The following BPHL variants were observed in gnomAD, a reference collection of about 807,000 sequenced individuals.
BPHL encodes serine hydrolase BPHL.
BPHL carries 27 observed loss-of-function variants against 31.2 expected under a neutral mutation model. That is an observed-to-expected ratio of 0.87 (90% confidence interval 0.64 to 1.19). The LOEUF (loss-of-function observed/expected upper bound fraction) is 1.19. Ranked by LOEUF, BPHL falls within the 50% of genes most tolerant of loss-of-function variation. The pLI is 0.00. For missense variants in BPHL, 356 were observed against 375.7 expected (o/e 0.95, Z 0.43); for synonymous variants, 150 against 146.8 (o/e 1.02, Z -0.16).
In BPHL at chr6:3,118,812, C is replaced by G. The variant is rs1761466191; in HGVS notation, c.72C>G (p.Ile24Met). ...RLLLSALKPGIHVPRAGPAAA... is the reference protein window; with the variant it reads ...RLLLSALKPGMHVPRAGPAAA... ...TTCTCTCAGCGCTGAAGCCCGGGATCCACGTCCCACGGGCCGGACCCGCGG... is the reference window on the plus strand; with the variant it reads ...TTCTCTCAGCGCTGAAGCCCGGGATGCACGTCCCACGGGCCGGACCCGCGG... Residue 24 changes from isoleucine (I) to methionine (M), a missense_variant, in exon 1 of 7, where the codon ATC becomes ATG. Physicochemically the swap from Ile to Met is conservative, Grantham distance 10. Coordinates refer to ENST00000380379, the MANE Select transcript of BPHL (RefSeq NM_004332.4). The G allele has an allele frequency of 1.6e-6, 2 of 1,244,430 alleles. No individual in the cohort carries two copies. Among genetic ancestry groups the G allele is most frequent in the Non-Finnish European group, 2.0e-6 (2 of 991,444 alleles). The allele number at this position is 1,244,430 out of a possible 1,614,324, so 77.1% of individuals were successfully genotyped here.
At position 3,147,159 on chromosome 6, in the gene BPHL, G is replaced by A. The variant is rs377346774; in HGVS notation, c.789-5329G>A. ...ACCTGTAGTCCAAGCTACTCAGGAG[G>A]CTGAGGTAGGAGAATCACCAGAGCC... On this transcript the variant is annotated intron_variant, in intron 6 of 6. Transcript: ENST00000380379. Among the ~76,000 whole-genome samples the A allele has an allele frequency of 6.2e-4, 95 of 152,246 alleles. No individual in the cohort carries two copies. The South Asian group carries it at 0.019, about 31-fold the overall frequency.
At chr6:3,120,702 G>A (rs763094252) in intron 1 of BPHL, among the ~76,000 whole-genome samples, 34 of 152,168 alleles carry the variant, frequency 2.2e-4, no homozygotes, top group Admixed American at 2.6e-4. Context: ...TTATTCCTGG[G>A]TCAGGTCAAG....
In BPHL at chr6:3,153,561, T is replaced by C; in HGVS notation, c.*986T>C. ...CTACATTGCTATTAAAATTAAACTT[T>C]GATTACCACAATAAAAACAGTAGCA... On this transcript the variant is annotated 3_prime_UTR_variant, in exon 7 of 7. Transcript: ENST00000380379. The C allele has an allele frequency of 2.0e-6, 1 of 503,382 alleles. No individual in the cohort carries two copies. Among genetic ancestry groups the C allele is most frequent in the Non-Finnish European group, 3.5e-6 (1 of 286,222 alleles). The allele number at this position is 503,382 out of a possible 1,614,324, so 31.2% of individuals were successfully genotyped here.
chr6:3,140,535 T>C lies in BPHL; in HGVS notation c.788+26T>C. On this transcript the variant is annotated intron_variant, in intron 6 of 6. Transcript: ENST00000380379. This position sits in a 1 kb window ranked among gnomAD's most constrained non-coding sequence, Gnocchi z 5.2. ...GTAAGTCCTGTCACCGCCTTCACACTCCCCCCGAGAGCCTCGGAGTCAATG... is the reference window on the plus strand; with the variant it reads ...GTAAGTCCTGTCACCGCCTTCACACCCCCCCCGAGAGCCTCGGAGTCAATG... The C allele has an allele frequency of 6.2e-7, 1 of 1,605,364 alleles. No individual in the cohort carries two copies. Among genetic ancestry groups the C allele is most frequent in the Non-Finnish European group, 8.5e-7 (1 of 1,177,338 alleles).
upstream of BPHL, chr6:3,118,376 G>A (rs2231353): frequency 2.0e-5 from 4 of 197,362 alleles, no homozygotes; most frequent in Non-Finnish European, 4.1e-5. Context: ...CCTGGACGCC[G>A]ACGCAGCGAG....
At chr6:3,125,052 T>TC (rs1483898662) in intron 2 of BPHL, among the ~76,000 whole-genome samples, 1 of 149,066 alleles carries the variant, frequency 6.7e-6, no homozygotes, top group Non-Finnish European at 1.5e-5. Context: ...CAATTTAATT[T>TC]TTTTTTTTTT....
intron 3 of BPHL, 47 bp from the exon 4 acceptor site, chr6:3,128,998 A>G: frequency 6.2e-7 from 1 of 1,613,190 alleles, no homozygotes; most frequent in Non-Finnish European, 8.5e-7. Flanking sequence ...TTCTTTTAAC[A>G]GAGAGGAGCA....
intron 6 of BPHL, among the ~76,000 whole-genome samples, chr6:3,150,327 CGG>C (rs1762487065): frequency 6.6e-6 from 1 of 152,224 alleles, no homozygotes; most frequent in East Asian, 1.9e-4. Flanking sequence ...GGGCTCCAGG[CGG>C]GGCAGGAAAG....
chr6:3,121,369 G>A (rs1025330681), intron 1 of BPHL, among the ~76,000 whole-genome samples: 13 of 131,406 alleles, frequency 9.9e-5, no homozygotes, highest in Admixed American at 2.8e-4. Context: ...GCACGATCTC[G>A]GCTCACTGTA....
chr6:3,134,573 A>G (rs1048011334), intron 4 of BPHL, among the ~76,000 whole-genome samples: 1 of 147,986 alleles, frequency 6.8e-6, no homozygotes, highest in Non-Finnish European at 1.5e-5. Context: ...AGTAGCTGGC[A>G]CTACAGGCGT....
At chr6:3,142,942 C>A (rs2113769881) in intron 6 of BPHL, among the ~76,000 whole-genome samples, 1 of 152,208 alleles carries the variant, frequency 6.6e-6, no homozygotes, top group East Asian at 1.9e-4. Flanking sequence ...GAGAAAAACA[C>A]CCTTACAGGC....
At chr6:3,138,478 C>T (rs1171572405) in intron 5 of BPHL, 3 of 153,232 alleles carry the variant, frequency 2.0e-5, no homozygotes, top group African/African-American at 7.3e-5. Flanking sequence ...AAGATCTAAT[C>T]TTGGAGTGCA....
intron 4 of BPHL, among the ~76,000 whole-genome samples, chr6:3,130,791 C>T (rs931729368): frequency 3.3e-5 from 5 of 152,180 alleles, no homozygotes; most frequent in African/African-American, 7.2e-5. Flanking sequence ...AAGTACGCTA[C>T]TTAGTGGCAG....
intron 4 of BPHL, among the ~76,000 whole-genome samples, chr6:3,130,972 A>C (rs374045805): frequency 1.1e-4 from 16 of 152,050 alleles, no homozygotes; most frequent in African/African-American, 3.6e-4. Flanking sequence ...CGCTCTGTGA[A>C]GGGTCTGTCC....
intron 3 of BPHL, among the ~76,000 whole-genome samples, chr6:3,127,901 A>C (rs1347100570): frequency 1.3e-5 from 2 of 151,886 alleles, no homozygotes; most frequent in East Asian, 1.9e-4. Context: ...GCTCACTGCA[A>C]CCTCTGCCTC....
chr6:3,127,231 G>T lies in BPHL; in HGVS notation c.212-11G>T, dbSNP rs778449291. 6.6e-7 allele frequency: 1 copy of T among 1,509,354 alleles called. No individual in the cohort carries two copies. The highest frequency in any genetic ancestry group is 1.3e-5 in the South Asian group (1 of 76,978). 93.5% of individuals were successfully genotyped at this position (1,509,354 alleles called of 1,614,324 possible). On this transcript the variant is annotated splice_polypyrimidine_tract_variant and intron_variant, in intron 2 of 6. Transcript: ENST00000380379. ...GCGATCACCTGAGGGTAACCAAGTG[G>T]CTGTTTTTAGGAAGTGGAGAGACTG...
rs1468831656 is a variant in BPHL at position 3,140,185 on chromosome 6, AAGAAACAGAG to A, written c.665-191_665-182del. 7.9e-6 allele frequency: 5 copies of A among 630,396 alleles called. No homozygotes were observed. The highest frequency in any genetic ancestry group is 3.7e-5 in the African/African-American group (2 of 54,074). 39.1% of individuals were successfully genotyped at this position (630,396 alleles called of 1,614,324 possible). A position where few individuals can be genotyped will look rare whatever the true frequency, so the allele number is the denominator to read the frequency against. ...AGAACTCAGAAACAGGCAAACAAAC[AAGAAACAGAG>A]AGAAACAGAAAAGGGAACCCAAAGA... On this transcript the variant is annotated intron_variant, in intron 5 of 6. Coordinates refer to ENST00000380379, the MANE Select transcript of BPHL (RefSeq NM_004332.4). This position sits in a 1 kb window ranked among gnomAD's most constrained non-coding sequence, Gnocchi z 5.2.
intron 6 of BPHL, among the ~76,000 whole-genome samples, chr6:3,141,445 G>A (rs886951896): frequency 1.3e-5 from 2 of 152,160 alleles, no homozygotes; most frequent in African/African-American, 2.4e-5. Flanking sequence ...TCGGCTAACT[G>A]CAACCTCCGC....
chr6:3,148,445 A>G (rs1412554766), intron 6 of BPHL, among the ~76,000 whole-genome samples: 1 of 152,278 alleles, frequency 6.6e-6, no homozygotes, highest in African/African-American at 2.4e-5. Flanking sequence ...CACACCAGTG[A>G]TAATGGTTCA....
Sources: allele counts gnomAD v4.1 joint callset (sites outside exome capture counted in the v4.1 genomes callset), GRCh38; gene constraint gnomAD v4.1.1; non-coding constraint Gnocchi (gnomAD v3.1); transcripts MANE v1.5; gene names NCBI Gene and HGNC (gene_info 2026-07-23, HGNC 2026-07-21).